SAXO1: variants seen among roughly 807,000 people sequenced by gnomAD.
SAXO1 encodes the protein stabilizer of axonemal microtubules 1.
A neutral mutation model predicts 17.5 loss-of-function variants in SAXO1; 21 were observed. That is an observed-to-expected ratio of 1.20 (90% CI 0.85 to 1.72). The LOEUF is 1.72. Among genes scored for constraint, SAXO1 ranks in the 40% most tolerant of loss-of-function variants. The pLI, the probability that SAXO1 is intolerant of heterozygous loss-of-function variation, is 0.00. For synonymous variants in SAXO1, 274 were observed against 216.5 expected (o/e 1.27, Z -2.33); for missense variants, 843 against 596.0 (o/e 1.41, Z -4.32).
intron 3 of SAXO1, among the ~76,000 whole-genome samples, chr9:18,939,724 G>T (rs910676514): frequency 1.3e-5 from 2 of 152,112 alleles, no homozygotes; most frequent in African/African-American, 4.8e-5. Context: ...AGGCAGAAAA[G>T]GTTTGGGTTT....
intron 3 of SAXO1, among the ~76,000 whole-genome samples, chr9:18,940,554 C>T (rs1831508987): frequency 6.6e-6 from 1 of 152,188 alleles, no homozygotes; most frequent in Non-Finnish European, 1.5e-5. Context: ...CCCTCTTCAC[C>T]CTAAATGCTT....
At chr9:18,999,209 C>A (rs1834141142) in intron 1 of SAXO1, among the ~76,000 whole-genome samples, 1 of 152,206 alleles carries the variant, frequency 6.6e-6, no homozygotes, top group South Asian at 2.1e-4. Flanking sequence ...TTCAGGAAAC[C>A]CATCTTAGGT....
At chr9:19,026,600 G>C (rs1437129815) in intron 1 of SAXO1, among the ~76,000 whole-genome samples, 1 of 152,200 alleles carries the variant, frequency 6.6e-6, no homozygotes, top group African/African-American at 2.4e-5. Context: ...AGGGAAAAGA[G>C]AGGCTAAAAT....
intron 1 of SAXO1, among the ~76,000 whole-genome samples, chr9:19,012,882 G>A (rs1834809786): frequency 6.6e-6 from 1 of 152,306 alleles, no homozygotes; most frequent in Non-Finnish European, 1.5e-5. Flanking sequence ...TCAGGGGGCT[G>A]CTCTCTCAGG....
At chr9:19,044,469 T>A (rs1346977994) in intron 1 of SAXO1, among the ~76,000 whole-genome samples, 2 of 152,090 alleles carry the variant, frequency 1.3e-5, no homozygotes, top group Admixed American at 1.3e-4. Flanking sequence ...ACAAATAGGA[T>A]GAGATGGCAA....
intron 1 of SAXO1, among the ~76,000 whole-genome samples, chr9:19,019,705 C>T (rs531156432): frequency 1.3e-5 from 2 of 152,030 alleles, no homozygotes; most frequent in East Asian, 3.9e-4. Context: ...ACCCCAGCCT[C>T]GGCGACAGTG....
At chr9:18,941,602 T>C in intron 3 of SAXO1, 35 bp downstream of exon 3, 1 of 1,612,222 alleles carries the variant, frequency 6.2e-7, no homozygotes, top group African/African-American at 1.3e-5. Context: ...GCTCAGCCTG[T>C]CTTTCCCCCA....
chr9:19,027,738 G>T, intron 1 of SAXO1: 1 of 1,452,576 alleles, frequency 6.9e-7, no homozygotes, highest in Non-Finnish European at 9.5e-7. Context: ...GAGAAGTCCG[G>T]GGACCGAGAG....
intron 1 of SAXO1, among the ~76,000 whole-genome samples, chr9:18,996,403 G>C (rs150763376): frequency 0.015 from 2,330 of 152,292 alleles, 54 homozygotes; most frequent in African/African-American, 0.053. Flanking sequence ...TATAAACCTA[G>C]GCTATATGGT....
intron 3 of SAXO1, among the ~76,000 whole-genome samples, chr9:18,939,623 A>G (rs1394017875): frequency 1.3e-5 from 2 of 152,244 alleles, no homozygotes; most frequent in African/African-American, 4.8e-5. Flanking sequence ...GCCCTGAAGC[A>G]GAAAAGAAAT....
intron 1 of SAXO1, among the ~76,000 whole-genome samples, chr9:19,020,520 T>A (rs1044388448): frequency 6.6e-6 from 1 of 151,894 alleles, no homozygotes; most frequent in African/African-American, 2.4e-5. Context: ...ACCAGCTAAT[T>A]TTTTGTTGTT....
intron 1 of SAXO1, among the ~76,000 whole-genome samples, chr9:19,044,749 G>C (rs867742706): frequency 6.6e-6 from 1 of 151,924 alleles, no homozygotes; most frequent in Non-Finnish European, 1.5e-5. Flanking sequence ...TGTAGTCCCA[G>C]CTACTTGGGA....
intron 1 of SAXO1, among the ~76,000 whole-genome samples, chr9:19,042,957 A>G (rs1387989771): frequency 6.6e-6 from 1 of 152,064 alleles, no homozygotes; most frequent in African/African-American, 2.4e-5. Context: ...GGATCACTTG[A>G]GCCCGGGAGT....
At chr9:19,029,546 C>T (rs1411265447) in intron 1 of SAXO1, among the ~76,000 whole-genome samples, 1 of 152,158 alleles carries the variant, frequency 6.6e-6, no homozygotes, top group Non-Finnish European at 1.5e-5. Flanking sequence ...TCGCTCCATC[C>T]CAACCGGTCA....
chr9:19,014,387 G>A (rs1210001242), intron 1 of SAXO1, among the ~76,000 whole-genome samples: 1 of 147,110 alleles, frequency 6.8e-6, no homozygotes, highest in Non-Finnish European at 1.5e-5. Flanking sequence ...CCTTGAACCT[G>A]GGGGGCAAGG....
intron 1 of SAXO1, among the ~76,000 whole-genome samples, chr9:18,955,083 G>C (rs76887058): frequency 0.013 from 1,933 of 152,286 alleles, 41 homozygotes; most frequent in African/African-American, 0.044. Flanking sequence ...TATCGTCCCA[G>C]CTACTCAGCA....
At chr9:19,031,760 G>T (rs7855705) in intron 1 of SAXO1, among the ~76,000 whole-genome samples, 145,499 of 152,202 alleles carry the variant, frequency 0.96, 69,576 homozygotes, top group East Asian at 1. Context: ...CACTCTGAGA[G>T]TATCAATTCA....
At chr9:18,950,999 G>C (rs918573684) in intron 1 of SAXO1, 62 bp from the exon 2 acceptor site, 30 of 1,490,334 alleles carry the variant, frequency 2.0e-5, no homozygotes, top group Middle Eastern at 4.9e-4. Flanking sequence ...AATTTCCTAA[G>C]AGTACTTCCG....
intron 1 of SAXO1, among the ~76,000 whole-genome samples, chr9:18,957,570 T>C (rs530496693): frequency 1.3e-5 from 2 of 152,220 alleles, no homozygotes; most frequent in South Asian, 4.1e-4. Flanking sequence ...TCACAGCTGC[T>C]GTTCAAGGGA....
Sources: allele counts gnomAD v4.1 joint callset (sites outside exome capture counted in the v4.1 genomes callset), GRCh38; gene constraint gnomAD v4.1.1; transcripts MANE v1.5; gene names NCBI Gene and HGNC (gene_info 2026-07-23, HGNC 2026-07-21).